CCDC171: variants seen among roughly 807,000 people sequenced by gnomAD.
CCDC171 encodes coiled-coil domain-containing protein 171.
A neutral mutation model predicts 168.2 loss-of-function variants in CCDC171; 177 were observed. That is an observed-to-expected ratio of 1.05 (90% CI 0.93 to 1.19). The LOEUF is 1.19. Ranked by LOEUF, CCDC171 falls within the 50% of genes most tolerant of loss-of-function variation. The pLI, the probability that CCDC171 is intolerant of heterozygous loss-of-function variation, is 0.00. For synonymous variants in CCDC171, 687 were observed against 540.8 expected, an observed-to-expected ratio of 1.27 and a Z score of -3.75; for missense variants, 1,991 against 1,539.0, an observed-to-expected ratio of 1.29 and a Z score of -4.91.
At chr9:15,970,643 G>A (rs572767627) in intron 25 of CCDC171, among the ~76,000 whole-genome samples, 6 of 152,040 alleles carry the variant, frequency 3.9e-5, no homozygotes, top group Admixed American at 6.6e-5. Context: ...CAGCTTTATC[G>A]AAATATTAAT....
chr9:15,834,365 AC>A (rs1478187130), intron 21 of CCDC171, among the ~76,000 whole-genome samples: 1 of 152,126 alleles, frequency 6.6e-6, no homozygotes, highest in Non-Finnish European at 1.5e-5. Context: ...AGGTAATTTT[AC>A]CCCATGTGGG....
chr9:15,605,658 G>A (rs12552496), intron 6 of CCDC171, among the ~76,000 whole-genome samples: 1 of 148,028 alleles, frequency 6.8e-6, no homozygotes, highest in South Asian at 2.2e-4. Context: ...CTGCACTCCA[G>A]CCTGGGCGAC....
chr9:15,843,800 C>G (rs1445455598), intron 21 of CCDC171, among the ~76,000 whole-genome samples: 4 of 152,098 alleles, frequency 2.6e-5, no homozygotes, highest in African/African-American at 9.7e-5. Flanking sequence ...TGGATTATTG[C>G]TTTGCAATCA....
chr9:15,720,444 G>C (rs369697750), intron 11 of CCDC171, among the ~76,000 whole-genome samples: 1 of 152,146 alleles, frequency 6.6e-6, no homozygotes, highest in Non-Finnish European at 1.5e-5. Context: ...CCTAAGATTA[G>C]TATGTAGTAG....
chr9:15,990,695 G>A (rs181620163), intron 3 of CCDC171, among the ~76,000 whole-genome samples: 236 of 152,258 alleles, frequency 1.5e-3, no homozygotes, highest in African/African-American at 5.3e-3. Flanking sequence ...TACATGCAGA[G>A]CCACACATAG....
chr9:15,903,860 C>T lies in CCDC171; in HGVS notation c.3601-16410C>T, dbSNP rs150660895. On this transcript the variant is annotated intron_variant, in intron 24 of 25. Coordinates refer to ENST00000380701, the MANE Select transcript of CCDC171 (RefSeq NM_173550.4). ...CCTTATGGAGCTGAAAACCATGGCA[C>T]GAGAGGTACGTGACGAATGCATAAG... Among the ~76,000 whole-genome samples, 281 of 152,202 alleles carry T rather than the reference C, an allele frequency of 1.8e-3. 2 individuals carry two copies. Among genetic ancestry groups the T allele is most frequent in the African/African-American group, 6.1e-3 (253 of 41,520 alleles).
At chr9:15,611,508 C>T (rs183928) in intron 6 of CCDC171, among the ~76,000 whole-genome samples, 1 of 151,916 alleles carries the variant, frequency 6.6e-6, no homozygotes, top group African/African-American at 2.4e-5. Context: ...GAAATCTTTC[C>T]GTCTCCTCCT....
chr9:15,781,500 C>T (rs141232513), intron 20 of CCDC171, among the ~76,000 whole-genome samples: 2 of 152,178 alleles, frequency 1.3e-5, no homozygotes, highest in African/African-American at 4.8e-5. Context: ...TCACTGCAGC[C>T]TCCACCTCCC....
In CCDC171 at chr9:15,666,144, C is replaced by G. The variant is rs769770564; in HGVS notation, c.916-19C>G. On this transcript the variant is annotated intron_variant, in intron 8 of 25. Transcript: ENST00000380701. ...AGCATTTCTTAGCTTGATTTAATTACTTGTCTGTCGTCCGGTAGTTACGGA... is the reference window on the plus strand; with the variant it reads ...AGCATTTCTTAGCTTGATTTAATTAGTTGTCTGTCGTCCGGTAGTTACGGA... 9 of 1,608,090 alleles carry G rather than the reference C, an allele frequency of 5.6e-6. No homozygotes were observed. In the East Asian group the frequency reaches 6.7e-5, roughly 12 times the overall value.
chr9:15,991,937 A>G (rs1307293759), intron 3 of CCDC171, among the ~76,000 whole-genome samples: 2 of 152,216 alleles, frequency 1.3e-5, no homozygotes, highest in Non-Finnish European at 2.9e-5. Flanking sequence ...GCAATAATTA[A>G]TAGCCTACCA....
rs553637960 is a variant in CCDC171 at position 15,593,334 on chromosome 9, T to C, written c.544-707T>C. On this transcript the variant is annotated intron_variant, in intron 5 of 25. Coordinates refer to ENST00000380701, the MANE Select transcript of CCDC171 (RefSeq NM_173550.4). ...TAGAAAATTGGGCTTCTCAGCAAAT[T>C]GCATTTTATGTTTTTAAGATACTAA... Among the ~76,000 whole-genome samples, 4 of 152,274 alleles carry C rather than the reference T, an allele frequency of 2.6e-5. No homozygotes were observed. In the East Asian group the frequency reaches 7.7e-4, roughly 29 times the overall value.
chr9:16,090,591 A>G, the CCDC171 span, among the ~76,000 whole-genome samples: 3 of 152,236 alleles, frequency 2.0e-5, no homozygotes, highest in African/African-American at 7.2e-5. Context: ...TTAGCACAAA[A>G]GTATGGAAAT....
chr9:15,986,519 T>C (rs1385674657), intron 3 of CCDC171, among the ~76,000 whole-genome samples: 1 of 152,176 alleles, frequency 6.6e-6, no homozygotes, highest in African/African-American at 2.4e-5. Flanking sequence ...TATGCGCTCA[T>C]TAAAAACTAA....
intron 11 of CCDC171, among the ~76,000 whole-genome samples, chr9:15,705,179 G>A (rs1304478347): frequency 1.3e-5 from 2 of 151,394 alleles, no homozygotes; most frequent in South Asian, 4.2e-4. Flanking sequence ...CTTGGTTGTG[G>A]TAATCATTTC....
intron 22 of CCDC171, among the ~76,000 whole-genome samples, chr9:15,848,072 T>C (rs76999151): frequency 0.029 from 4,484 of 152,076 alleles, 243 homozygotes; most frequent in African/African-American, 0.1. Context: ...GTGAGTCTTA[T>C]AGCACTGAGA....
intron 24 of CCDC171, among the ~76,000 whole-genome samples, chr9:15,878,347 C>G (rs1282922558): frequency 1.3e-5 from 2 of 151,710 alleles, no homozygotes; most frequent in Admixed American, 1.3e-4. Context: ...AAGACATACA[C>G]ACAAGTTAAC....
intron 24 of CCDC171, chr9:15,875,272 C>G (rs1412326637): frequency 1.3e-5 from 2 of 151,976 alleles, no homozygotes; most frequent in East Asian, 3.9e-4. Context: ...AATATCAAAT[C>G]ATAAGAACTC....
chr9:15,612,609 T>C (rs1193896031), intron 6 of CCDC171, among the ~76,000 whole-genome samples: 1 of 152,206 alleles, frequency 6.6e-6, no homozygotes, highest in Non-Finnish European at 1.5e-5. Flanking sequence ...TGTGAAACTG[T>C]TGTGTTGAGT....
intron 6 of CCDC171, among the ~76,000 whole-genome samples, chr9:15,616,171 C>T (rs554221147): frequency 2.0e-5 from 3 of 152,164 alleles, no homozygotes; most frequent in Admixed American, 6.5e-5. Context: ...AGGTTGGTCT[C>T]GAACTCCTGA....
Sources: gnomAD v4.1 joint callset for allele counts (sites outside exome capture counted in the v4.1 genomes callset) on GRCh38, gnomAD v4.1.1 for gene constraint, MANE v1.5 for transcripts, NCBI Gene and HGNC (gene_info 2026-07-23, HGNC 2026-07-21) for gene names.